Variants in VPS50 observed in about 807,000 individuals in gnomAD.
The protein encoded by VPS50 is syndetin.
In VPS50, 70 loss-of-function variants were observed where a neutral mutation model predicts 139.7. The observed-to-expected ratio is 0.50, with a 90% CI of 0.41 to 0.61. VPS50 has a LOEUF of 0.61. VPS50 is among the 20% of genes least tolerant of loss of function. The probability of loss-of-function intolerance (pLI) is 0.00; values close to 1 mark genes in which losing one functional copy is unlikely to be tolerated. For missense variants in VPS50, 921 were observed against 1,133.7 expected (o/e 0.81, Z 2.69); for synonymous variants, 365 against 376.7 (o/e 0.97, Z 0.36).
At chr7:93,349,758 A>G in intron 24 of VPS50, 117 bp from the exon 25 acceptor site, 1 of 703,758 alleles carries the variant, frequency 1.4e-6, no homozygotes, top group Non-Finnish European at 2.3e-6. Context: ...TTAAATCTCC[A>G]AATATATAGT....
At chr7:93,338,312 G>A (rs913935271) in intron 22 of VPS50, among the ~76,000 whole-genome samples, 6 of 152,164 alleles carry the variant, frequency 3.9e-5, no homozygotes, top group African/African-American at 7.2e-5. Context: ...GGCAGTTAAG[G>A]AATAAATGAA....
At chr7:93,344,150 C>T (rs994777723) in intron 23 of VPS50, among the ~76,000 whole-genome samples, 3 of 151,352 alleles carry the variant, frequency 2.0e-5, no homozygotes, top group African/African-American at 2.4e-5. Flanking sequence ...CCAAGCAAAT[C>T]GAAAACAAAA....
chr7:93,252,954 G>T (rs1236629187), intron 3 of VPS50, among the ~76,000 whole-genome samples, 179 bp downstream of exon 3: 1 of 152,132 alleles, frequency 6.6e-6, no homozygotes, highest in Non-Finnish European at 1.5e-5. Flanking sequence ...ATTATTTTTT[G>T]AATGTAACTT....
chr7:93,240,125 T>C (rs749094519), intron 2 of VPS50, among the ~76,000 whole-genome samples, 191 bp downstream of exon 2: 5 of 152,050 alleles, frequency 3.3e-5, no homozygotes, highest in Non-Finnish European at 7.4e-5. Context: ...GTATGTATGA[T>C]GCATTATAGC....
chr7:93,275,348 A>C (rs116734736), intron 11 of VPS50, among the ~76,000 whole-genome samples: 2,172 of 152,242 alleles, frequency 0.014, 53 homozygotes, highest in African/African-American at 0.048. Context: ...TATTTTGTGA[A>C]AAGAAGAGTC....
chr7:93,266,354 C>A (rs1562859320), intron 9 of VPS50, among the ~76,000 whole-genome samples: 2 of 152,150 alleles, frequency 1.3e-5, no homozygotes, highest in African/African-American at 4.8e-5. Flanking sequence ...TATTAAAGGA[C>A]TTGACTTAAA....
intron 13 of VPS50, among the ~76,000 whole-genome samples, chr7:93,293,628 T>C (rs1584436656): frequency 6.6e-6 from 1 of 152,222 alleles, no homozygotes; most frequent in Non-Finnish European, 1.5e-5. Context: ...TTCATAAAAC[T>C]GAAGAGGACT....
intron 9 of VPS50, among the ~76,000 whole-genome samples, chr7:93,266,663 A>G (rs940570898): frequency 6.6e-6 from 1 of 152,300 alleles, no homozygotes; most frequent in African/African-American, 2.4e-5. Flanking sequence ...TTAGCCTTCC[A>G]TCTTAGAACT....
intron 20 of VPS50, among the ~76,000 whole-genome samples, chr7:93,319,317 C>T (rs1797530680): frequency 6.6e-6 from 1 of 152,204 alleles, no homozygotes; most frequent in Non-Finnish European, 1.5e-5. Context: ...AAGGCAGGCC[C>T]ACTGTTCGTT....
chr7:93,239,530 G>T (rs1020197655), intron 1 of VPS50, among the ~76,000 whole-genome samples: 4 of 152,076 alleles, frequency 2.6e-5, no homozygotes, highest in African/African-American at 4.8e-5. Flanking sequence ...AATTATTATT[G>T]TATATACAAG....
chr7:93,291,766 A>G lies in VPS50; in HGVS notation c.1006A>G (p.Met336Val), dbSNP rs200944614. ...ADLCKALWEV[M>V]LSYYRTMEWH... ...CCTGTGCAAAGCACTATGGGAAGTT[A>G]TGCTCAGCTATTATAGGACTATGGA... The change falls in exon 13 of 28, where the codon ATG (methionine) becomes GTG (valine). Residue 336 changes from methionine to valine, a missense_variant. Physicochemically the swap from Met to Val is conservative, Grantham distance 21. This residue lies in a region of VPS50 where 744 missense variants were observed against 930.6 expected (regional missense o/e 0.80). Transcript: ENST00000305866. The G allele has an allele frequency of 1.1e-4, 178 of 1,601,812 alleles. No individual in the cohort carries two copies. In the African/African-American group the frequency reaches 2.0e-3, roughly 18 times the overall value.
chr7:93,258,964 TG>T (rs539468883), intron 8 of VPS50, among the ~76,000 whole-genome samples: 25 of 152,190 alleles, frequency 1.6e-4, no homozygotes, highest in South Asian at 1.0e-3. Context: ...GAAAAGTTTT[TG>T]TGGTTTTCTG....
chr7:93,303,602 CCTTT>C, intron 17 of VPS50, 52 bp downstream of exon 17: 1 of 770,852 alleles, frequency 1.3e-6, no homozygotes, highest in South Asian at 2.1e-5. Flanking sequence ...TGTATTTTAC[CCTTT>C]TTTTTGAAAA....
intron 24 of VPS50, 84 bp from the exon 25 acceptor site, chr7:93,349,790 TA>T (rs1218398742): frequency 1.1e-6 from 1 of 934,166 alleles, no homozygotes; most frequent in Non-Finnish European, 1.6e-6. Flanking sequence ...AGATATGATA[TA>T]TACTGGAAAC....
rs571338526 is a variant in VPS50, at chr7:93,267,079, A to C, written c.660-4141A>C. Among the ~76,000 whole-genome samples the C allele has an allele frequency of 7.9e-5, 12 of 152,342 alleles. No individual in the cohort carries two copies. In the South Asian group the frequency reaches 2.5e-3, roughly 32 times the overall value. On this transcript the variant is annotated intron_variant, in intron 9 of 27. Transcript: ENST00000305866. ...GTTTATTATAATTTCATAAACCAAC[A>C]CTAAAGCCCATTTGTTTTGATAGAG...
rs773774132 is a variant in VPS50, at chr7:93,360,988, A to G, written c.*2552A>G. 6.6e-6 allele frequency: 1 copy of G among 151,938 alleles called. No individual in the cohort carries two copies. The highest frequency in any genetic ancestry group is 1.5e-5 in the Non-Finnish European group (1 of 67,936). The allele number at this position is 151,938 out of a possible 1,614,324, so 9.4% of individuals were successfully genotyped here. On this transcript the variant is annotated 3_prime_UTR_variant, in exon 28 of 28. Transcript: ENST00000305866. ...CTTTAAATAAAATTTCGAAATTTCT[A>G]TTTAGCTGAGTGCTAAAGTGAAACT...
At chr7:93,305,674 G>T (rs542290787) in intron 17 of VPS50, among the ~76,000 whole-genome samples, 154 bp from the exon 18 acceptor site, 1 of 151,948 alleles carries the variant, frequency 6.6e-6, no homozygotes, top group South Asian at 2.1e-4. Flanking sequence ...TTCCAAGTTT[G>T]TGCTTTTAGA....
chr7:93,318,503 G>C (rs1302089341), intron 20 of VPS50, among the ~76,000 whole-genome samples: 1 of 151,992 alleles, frequency 6.6e-6, no homozygotes, highest in Non-Finnish European at 1.5e-5. Context: ...ATTCATTGAT[G>C]GTGTCTCAAA....
At chr7:93,324,551 T>A (rs1043658004) in intron 21 of VPS50, among the ~76,000 whole-genome samples, 26 of 152,200 alleles carry the variant, frequency 1.7e-4, no homozygotes, top group Non-Finnish European at 3.4e-4. Context: ...ATAATCGTGG[T>A]TTTTGTCTTT....
Sources: allele counts gnomAD v4.1 joint callset (sites outside exome capture counted in the v4.1 genomes callset), GRCh38; gene constraint gnomAD v4.1.1; regional missense constraint gnomAD v4.1.1; transcripts MANE v1.5; gene names NCBI Gene and HGNC (gene_info 2026-07-23, HGNC 2026-07-21).